Variants in ARID1B observed in about 807,000 individuals in gnomAD.
The protein encoded by ARID1B is AT-rich interaction domain 1B, also known as AT-rich interactive domain-containing protein 1B.
ARID1B carries 30 observed loss-of-function variants against 212.3 expected under a neutral mutation model. That is an observed-to-expected ratio of 0.14 (90% CI 0.11 to 0.19). The LOEUF (loss-of-function observed/expected upper bound fraction) is 0.19, where lower values mean the gene tolerates loss of function less well. ARID1B is among the 10% of genes least tolerant of loss of function. The pLI is 1.00. For missense variants in ARID1B, 2,891 were observed against 3,204.0 expected, an observed-to-expected ratio of 0.90 and a Z score of 2.36; for synonymous variants, 1,402 against 1,301.7, an observed-to-expected ratio of 1.08 and a Z score of -1.66.
chr6:156,842,756 T>A (rs1375413477), intron 2 of ARID1B, among the ~76,000 whole-genome samples: 2 of 152,246 alleles, frequency 1.3e-5, no homozygotes, highest in East Asian at 3.8e-4. Context: ...TGTTATTTAC[T>A]GAGACTCTTA....
At chr6:157,077,434 G>T (rs546184247) in intron 4 of ARID1B, among the ~76,000 whole-genome samples, 34 of 152,212 alleles carry the variant, frequency 2.2e-4, no homozygotes, top group African/African-American at 7.9e-4. Context: ...GCCTGCCTCT[G>T]CCAGGCTCCG....
Position 157,206,813 on chromosome 6 carries a change from A to T in ARID1B, c.6041A>T (p.Asp2014Val). 1 of 1,614,110 alleles carries T rather than the reference A, an allele frequency of 6.2e-7. No homozygotes were observed. Residue 2014 changes from aspartate to valine, a missense_variant, in exon 20 of 20, where the codon GAC becomes GTC. Around this residue, in one of 7 missense-constraint regions of ARID1B, gnomAD observed 332 missense variants for 369.2 expected, o/e 0.90. Transcript: ENST00000636930. The surrounding 1 kb of genome is among the most constrained non-coding windows in gnomAD (Gnocchi z 6.8). ...LSARPGALPEDANPGPQTESS... is the reference protein window; with the variant it reads ...LSARPGALPEVANPGPQTESS... ...GCTCGGCCAGGGGCATTGCCTGAAG[A>T]CGCAAACCCTGGGCCCCAGACCGAA... is the stretch of plus-strand genomic sequence containing the variant.
chr6:157,203,819 T>C lies in ARID1B; in HGVS notation c.5264-47T>C, dbSNP rs763472249. The C allele has an allele frequency of 4.2e-5, 67 of 1,610,104 alleles. No individual in the cohort carries two copies. The highest frequency in any genetic ancestry group is 5.4e-5 in the Non-Finnish European group (63 of 1,176,968). On this transcript the variant is annotated intron_variant, in intron 18 of 19. Coordinates refer to ENST00000636930, the MANE Select transcript of ARID1B (RefSeq NM_001374828.1). The surrounding 1 kb of genome is among the most constrained non-coding windows in gnomAD (Gnocchi z 4.4). ...TCTTTCGTTAACTTTCGTTCTTTCA[T>C]GCATAGAGTCAACATTCATGATATC...
rs1024674317 is a variant in ARID1B, at chr6:157,209,717, A to T, written c.*1826A>T. On this transcript the variant is annotated 3_prime_UTR_variant, in exon 20 of 20. Coordinates refer to ENST00000636930, the MANE Select transcript of ARID1B (RefSeq NM_001374828.1). Reference sequence around the variant, plus strand: ...TATTTATACTGTGCAATGTTAAAAAAGAATCTGTTATATTGTATGTGGTGT... The same window carrying T: ...TATTTATACTGTGCAATGTTAAAAATGAATCTGTTATATTGTATGTGGTGT... 8.6e-6 allele frequency: 2 copies of T among 233,152 alleles called. No homozygotes were observed. Among genetic ancestry groups the T allele is most frequent in the Non-Finnish European group, 1.7e-5 (2 of 118,048 alleles). The allele number at this position is 233,152 out of a possible 1,614,324, so 14.4% of individuals were successfully genotyped here.
chr6:157,093,900 A>G (rs547185935), intron 5 of ARID1B, among the ~76,000 whole-genome samples: 1 of 152,338 alleles, frequency 6.6e-6, no homozygotes, highest in Non-Finnish European at 1.5e-5. Flanking sequence ...AGTGTGTATT[A>G]TGCTGCAGGC....
At chr6:156,937,880 C>T (rs1249571752) in intron 4 of ARID1B, 2 of 151,844 alleles carry the variant, frequency 1.3e-5, no homozygotes, top group African/African-American at 4.8e-5. Context: ...TGAAATACCC[C>T]AATTGGTATT....
intron 3 of ARID1B, among the ~76,000 whole-genome samples, chr6:156,916,224 T>C (rs754868585): frequency 4.6e-5 from 7 of 152,188 alleles, no homozygotes; most frequent in Non-Finnish European, 1.0e-4. Context: ...ACACTGCGGC[T>C]CCATGAATTC....
At chr6:157,117,190 A>C (rs1289471717) in intron 6 of ARID1B, among the ~76,000 whole-genome samples, 1 of 152,204 alleles carries the variant, frequency 6.6e-6, no homozygotes, top group African/African-American at 2.4e-5. Flanking sequence ...TTTGCGTACT[A>C]CTACAAAAAG....
In ARID1B at chr6:156,778,958, CGCG is replaced by C. The variant is rs764418312; in HGVS notation, c.1290_1292del (p.Ala433del). The C allele has an allele frequency of 1.2e-4, 155 of 1,271,146 alleles. No individual in the cohort carries two copies. In the South Asian group the frequency reaches 1.3e-3, roughly 10 times the overall value. 78.7% of individuals were successfully genotyped at this position (1,271,146 alleles called of 1,614,324 possible). ...GAGCGGGAGCTGTGGCGGCGGCGGC[CGCG>C]GCGGCGGCGGCAGCAGCAGGAGGCG... On this transcript the variant is annotated inframe_deletion, in exon 1 of 20. Transcript: ENST00000636930.
intron 5 of ARID1B, among the ~76,000 whole-genome samples, chr6:157,085,752 ATC>A (rs961634406): frequency 6.6e-6 from 1 of 152,192 alleles, no homozygotes; most frequent in African/African-American, 2.4e-5. Context: ...ACACATATAT[ATC>A]TCTAAATAAA....
At chr6:156,804,858 T>A (rs1372939217) in intron 1 of ARID1B, among the ~76,000 whole-genome samples, 2 of 132,598 alleles carry the variant, frequency 1.5e-5, no homozygotes, top group Non-Finnish European at 3.1e-5. Context: ...AGAGATGTGA[T>A]CTGATTGGCA....
chr6:156,835,097 C>T (rs968955264), intron 2 of ARID1B, among the ~76,000 whole-genome samples: 5 of 151,798 alleles, frequency 3.3e-5, no homozygotes, highest in East Asian at 1.9e-4. Context: ...AAAAATTAGC[C>T]GGCGTGGTGG....
intron 4 of ARID1B, among the ~76,000 whole-genome samples, chr6:156,994,391 T>G (rs1410609700): frequency 6.6e-6 from 1 of 152,124 alleles, no homozygotes; most frequent in African/African-American, 2.4e-5. Flanking sequence ...GCAGTTTAGA[T>G]TCCAGAGAAC....
chr6:156,832,434 A>C (rs896770381), intron 2 of ARID1B, among the ~76,000 whole-genome samples: 3 of 152,254 alleles, frequency 2.0e-5, no homozygotes, highest in African/African-American at 7.2e-5. Context: ...TTGAGTGGAC[A>C]TCACCACCTA....
intron 5 of ARID1B, chr6:157,108,058 A>T (rs141150942): frequency 5.1e-4 from 78 of 152,368 alleles, no homozygotes; most frequent in African/African-American, 1.9e-3. Context: ...GTAGTTACTG[A>T]ATCATAGTAA....
rs1248447397 is a variant in ARID1B, at chr6:157,203,285, T to C, written c.5264-581T>C. Among the ~76,000 whole-genome samples, 1 of 152,226 alleles carries C rather than the reference T, an allele frequency of 6.6e-6. No individual in the cohort carries two copies. Among genetic ancestry groups the C allele is most frequent in the East Asian group, 1.9e-4 (1 of 5,200 alleles). ...CATTCTGTGGCTCCAGCCATACTCC[T>C]GAGAAATCTGAGCCATCAAAGTGCT... is the stretch of plus-strand genomic sequence containing the variant. On this transcript the variant is annotated intron_variant, in intron 18 of 19. Coordinates refer to ENST00000636930, the MANE Select transcript of ARID1B (RefSeq NM_001374828.1). This position sits in a 1 kb window ranked among gnomAD's most constrained non-coding sequence, Gnocchi z 4.4.
Position 157,207,725 on chromosome 6 carries a change from T to C in ARID1B, c.6953T>C (p.Met2318Thr), listed in dbSNP as rs1315330076. 1.9e-6 allele frequency: 3 copies of C among 1,592,384 alleles called. No homozygotes were observed. Among genetic ancestry groups the C allele is most frequent in the Non-Finnish European group, 8.6e-7 (1 of 1,162,926 alleles). The change falls in exon 20 of 20, where the codon ATG becomes ACG. Residue 2318 changes from methionine to threonine, a missense_variant. By Grantham distance (81) the Met-to-Thr change is moderately conservative (BLOSUM62 -1). This residue lies in a region of ARID1B where 187 missense variants were observed against 306.5 expected (regional missense o/e 0.61). Coordinates refer to ENST00000636930, the MANE Select transcript of ARID1B (RefSeq NM_001374828.1). The surrounding 1 kb of genome is among the most constrained non-coding windows in gnomAD (Gnocchi z 8.5). ...PPLEPPSVDM[M>T]CRAAKALLAM... ...CTGGAACCACCTAGCGTAGACATGATGTGCAGGGCGGCCAAGGCTTTGCTA... is the reference window on the plus strand; with the variant it reads ...CTGGAACCACCTAGCGTAGACATGACGTGCAGGGCGGCCAAGGCTTTGCTA...
intron 3 of ARID1B, among the ~76,000 whole-genome samples, chr6:156,921,480 CACACACACACACAA>C (rs1310800500): frequency 5.6e-5 from 8 of 142,622 alleles, no homozygotes; most frequent in Non-Finnish European, 9.0e-5. Flanking sequence ...CACACACACA[CACACACACACACAA>C]AATGTAAGGG....
intron 3 of ARID1B, among the ~76,000 whole-genome samples, chr6:156,917,658 G>C (rs1262533527): frequency 1.3e-5 from 2 of 152,224 alleles, no homozygotes; most frequent in East Asian, 1.9e-4. Flanking sequence ...TCAGTTAACA[G>C]TCAAGGTCAT....
Sources: gnomAD v4.1 joint callset for allele counts (sites outside exome capture counted in the v4.1 genomes callset) on GRCh38, gnomAD v4.1.1 for gene constraint, gnomAD v4.1.1 regional missense constraint, Gnocchi (gnomAD v3.1) non-coding constraint, MANE v1.5 for transcripts, NCBI Gene and HGNC (gene_info 2026-07-23, HGNC 2026-07-21) for gene names.